Variants in ANAPC4 observed in about 807,000 individuals in gnomAD.
The protein encoded by ANAPC4 is anaphase-promoting complex subunit 4.
ANAPC4 carries 63 observed loss-of-function variants against 119.8 expected under a neutral mutation model. That is an observed-to-expected ratio of 0.53 (90% CI 0.43 to 0.65). The LOEUF (loss-of-function observed/expected upper bound fraction) is 0.65. ANAPC4 is among the 30% of genes least tolerant of loss of function. The pLI, the probability that ANAPC4 is intolerant of heterozygous loss-of-function variation, is 0.00. For synonymous variants in ANAPC4, 283 were observed against 318.6 expected (o/e 0.89, Z 1.19); for missense variants, 716 against 945.1 (o/e 0.76, Z 3.18).
rs1248990268 is a variant in ANAPC4, at chr4:25,390,323, T to C, written c.600+103T>C. On this transcript the variant is annotated intron_variant, in intron 8 of 28. Coordinates refer to ENST00000315368, the MANE Select transcript of ANAPC4 (RefSeq NM_013367.3). ...ACACTAGGTTTTTTTTCAGTTTCGA[T>C]TTTTGGAATTATTCTTAAATGTTCA... 7.9e-6 allele frequency: 6 copies of C among 755,978 alleles called. No individual in the cohort carries two copies. In the East Asian group the frequency reaches 8.5e-5, roughly 11 times the overall value. The allele number at this position is 755,978 out of a possible 1,614,324, so 46.8% of individuals were successfully genotyped here.
chr4:25,417,482 G>A lies in ANAPC4; in HGVS notation c.2076-134G>A, dbSNP rs567984695. The A allele has an allele frequency of 1.5e-4, 140 of 928,344 alleles. No individual in the cohort carries two copies. The African/African-American group carries it at 2.1e-3, about 14-fold the overall frequency. The allele number at this position is 928,344 out of a possible 1,614,324, so 57.5% of individuals were successfully genotyped here. A position where few individuals can be genotyped will look rare whatever the true frequency, so the allele number is the denominator to read the frequency against. ...TCACAGCTTTTTTTCTAACACAACAGTTGCTAAAATTATATTGGAAATAGA... is the reference window on the plus strand; with the variant it reads ...TCACAGCTTTTTTTCTAACACAACAATTGCTAAAATTATATTGGAAATAGA... On this transcript the variant is annotated intron_variant, in intron 27 of 28. Transcript: ENST00000315368.
At position 25,414,480 on chromosome 4, in the gene ANAPC4, G is replaced by T. The variant is rs573056698; in HGVS notation, c.1700G>T (p.Arg567Leu). 5.6e-6 allele frequency: 9 copies of T among 1,599,686 alleles called. No individual in the cohort carries two copies. In the East Asian group the frequency reaches 2.0e-4, roughly 36 times the overall value. The change falls in exon 24 of 29, where the codon CGT becomes CTT. Residue 567 changes from arginine (R) to leucine (L), a missense_variant. By Grantham distance (102) the Arg-to-Leu change is moderately radical. Around this residue, in one of 3 missense-constraint regions of ANAPC4, gnomAD observed 504 missense variants for 615.8 expected, o/e 0.82. Transcript: ENST00000315368. ...TTTTATTTTAGTGAGGATTCTACAC[G>T]TAGATTGTTCAAATTTCCTTTTCTG... is the stretch of plus-strand genomic sequence containing the variant. The part of the protein sequence containing the change: ...YRDTRSEDST[R>L]RLFKFPFLWN...
intron 4 of ANAPC4, among the ~76,000 whole-genome samples, chr4:25,383,978 C>A (rs900712583): frequency 6.6e-6 from 1 of 152,132 alleles, no homozygotes; most frequent in African/African-American, 2.4e-5. Flanking sequence ...AGAAAGATTT[C>A]TTTGTAGCAT....
chr4:25,390,284 G>T, intron 8 of ANAPC4, 64 bp downstream of exon 8: 4 of 1,213,078 alleles, frequency 3.3e-6, no homozygotes, highest in South Asian at 1.5e-5. Flanking sequence ...AGGTACTTAT[G>T]GAAAAAGAAT....
intron 26 of ANAPC4, chr4:25,415,799 T>G (rs1332962303): frequency 9.0e-6 from 3 of 333,094 alleles, no homozygotes; most frequent in African/African-American, 6.4e-5. Context: ...ACAAAGAAAG[T>G]AATGTGGTTC....
intron 4 of ANAPC4, among the ~76,000 whole-genome samples, chr4:25,386,159 C>T (rs537832431): frequency 5.3e-5 from 8 of 152,140 alleles, no homozygotes; most frequent in East Asian, 1.9e-4. Flanking sequence ...GTAACCCGCC[C>T]GCTTCGGCCT....
rs757661509 is a variant in ANAPC4 at position 25,396,829 on chromosome 4, A to G, written c.1163-19A>G. The G allele has an allele frequency of 2.5e-6, 4 of 1,609,398 alleles. No homozygotes were observed. The highest frequency in any genetic ancestry group is 4.5e-5 in the East Asian group (2 of 44,800). ...TTTACTTATTTGACAAATGACGTTT[A>G]TTTATTTTTTCCCTTTAGAAGCTAT... On this transcript the variant is annotated intron_variant, in intron 15 of 28. Coordinates refer to ENST00000315368, the MANE Select transcript of ANAPC4 (RefSeq NM_013367.3).
intron 1 of ANAPC4, 29 bp from the exon 2 acceptor site, chr4:25,377,389 G>A (rs1291956296): frequency 4.3e-6 from 7 of 1,609,304 alleles, no homozygotes; most frequent in Non-Finnish European, 5.9e-6. Flanking sequence ...GGGGGCTCCT[G>A]CCGGCCTCTG....
intron 4 of ANAPC4, among the ~76,000 whole-genome samples, chr4:25,386,340 G>A (rs1722034554): frequency 6.6e-6 from 1 of 152,096 alleles, no homozygotes; most frequent in African/African-American, 2.4e-5. Context: ...AGCCTCCCGA[G>A]AAACTGGAAT....
chr4:25,386,523 T>G (rs1722046307), intron 4 of ANAPC4, among the ~76,000 whole-genome samples: 1 of 152,186 alleles, frequency 6.6e-6, no homozygotes, highest in Non-Finnish European at 1.5e-5. Flanking sequence ...GCTCACCATT[T>G]TATATGGCCA....
chr4:25,401,084 A>G (rs1447068789), intron 16 of ANAPC4, among the ~76,000 whole-genome samples: 1 of 152,048 alleles, frequency 6.6e-6, no homozygotes, highest in East Asian at 1.9e-4. Flanking sequence ...CCTCGTTCAA[A>G]ACTTTGCTTT....
In ANAPC4 at chr4:25,385,299, A is replaced by G. The variant is rs945730212; in HGVS notation, c.368+1906A>G. 3.3e-5 allele frequency among the ~76,000 whole-genome samples: 5 copies of G among 152,294 alleles called. No individual in the cohort carries two copies. In the Middle Eastern group the frequency reaches 0.01, roughly 311 times the overall value. The stretch of plus-strand genomic sequence containing the variant: ...CATACGTATACATATATATATCTCT[A>G]TATGTATATATGTTTTAATAAATAA... On this transcript the variant is annotated intron_variant, in intron 4 of 28. Transcript: ENST00000315368.
intron 16 of ANAPC4, among the ~76,000 whole-genome samples, chr4:25,400,177 G>A (rs1453967324): frequency 4.6e-5 from 7 of 152,130 alleles, no homozygotes; most frequent in African/African-American, 1.7e-4. Flanking sequence ...GAATTGCTGG[G>A]GTTTTTTCTT....
chr4:25,413,949 G>GTA, intron 22 of ANAPC4: 1 of 511,104 alleles, frequency 2.0e-6, no homozygotes, highest in Non-Finnish European at 3.4e-6. Flanking sequence ...GTGTGTGTGT[G>GTA]TGTATAAAGA....
intron 14 of ANAPC4, among the ~76,000 whole-genome samples, chr4:25,395,910 C>A (rs907262384): frequency 6.6e-6 from 1 of 152,208 alleles, no homozygotes; most frequent in Non-Finnish European, 1.5e-5. Context: ...AAACATATTT[C>A]TCTCTTAAAA....
chr4:25,391,458 A>G (rs1722341763), intron 9 of ANAPC4, among the ~76,000 whole-genome samples: 1 of 152,258 alleles, frequency 6.6e-6, no homozygotes, highest in African/African-American at 2.4e-5. Flanking sequence ...GGACACACAA[A>G]TACTTCAGAA....
At chr4:25,386,364 C>T (rs937794484) in intron 4 of ANAPC4, among the ~76,000 whole-genome samples, 6 of 152,058 alleles carry the variant, frequency 3.9e-5, no homozygotes, top group African/African-American at 1.5e-4. Flanking sequence ...AGGTGTGTGC[C>T]ACCATGCCCA....
At chr4:25,387,776 T>G (rs905411757) in intron 4 of ANAPC4, among the ~76,000 whole-genome samples, 5 of 152,124 alleles carry the variant, frequency 3.3e-5, no homozygotes, top group Non-Finnish European at 7.3e-5. Flanking sequence ...AAAGGCATGG[T>G]GTAGTCTCAA....
Position 25,394,899 on chromosome 4 carries a change from T to C in ANAPC4, c.1055T>C (p.Leu352Ser). The change falls in exon 14 of 29, where the codon TTA (leucine) becomes TCA (serine). Residue 352 changes from leucine (L) to serine (S), a missense_variant. Physicochemically the swap from Leu to Ser is moderately radical, Grantham distance 145 (BLOSUM62 -2). Coordinates refer to ENST00000315368, the MANE Select transcript of ANAPC4 (RefSeq NM_013367.3). ...SSIQKLVISH[L>S]QSGSESLLYH... ...ATACAAAAATTGGTCATAAGTCATT[T>C]ACAGAGGTATGAAGGTGACGTAGAA... 6.2e-7 allele frequency: 1 copy of C among 1,612,488 alleles called. No individual in the cohort carries two copies. The highest frequency in any genetic ancestry group is 1.3e-5 in the African/African-American group (1 of 75,008).
Sources: allele counts gnomAD v4.1 joint callset (sites outside exome capture counted in the v4.1 genomes callset), GRCh38; gene constraint gnomAD v4.1.1; regional missense constraint gnomAD v4.1.1; transcripts MANE v1.5; gene names NCBI Gene and HGNC (gene_info 2026-07-23, HGNC 2026-07-21).